The following FAM184A variants were observed in gnomAD, a reference collection of about 807,000 sequenced individuals.
FAM184A encodes family with sequence similarity 184 member A.
Under a neutral mutation model 143.8 loss-of-function variants are expected in FAM184A, and 99 were observed. The observed-to-expected ratio is 0.69, with a 90% confidence interval of 0.58 to 0.81. The LOEUF (loss-of-function observed/expected upper bound fraction) is 0.81, where lower values mean the gene tolerates loss of function less well. Among genes scored for constraint, FAM184A ranks in the 40% least tolerant of loss-of-function variants. The pLI is 0.00. For synonymous variants in FAM184A, 427 were observed against 446.4 expected, an observed-to-expected ratio of 0.96 and a Z score of 0.55; for missense variants, 1,217 against 1,310.5, an observed-to-expected ratio of 0.93 and a Z score of 1.10.
rs1783337447 is a variant in FAM184A, at chr6:118,961,867, T to A, written c.3235A>T (p.Asn1079Tyr). Residue 1079 changes from asparagine to tyrosine, a missense_variant, in exon 17 of 18, where the codon AAC becomes TAC. Coordinates refer to ENST00000338891, the MANE Select transcript of FAM184A (RefSeq NM_024581.6). ...ESGGVGNGHP[N>Y]RLDPIPNSPV... The stretch of plus-strand genomic sequence containing the variant: ...GAATTAGGAATGGGATCCAGGCGGT[T>A]AGGATGTCCATTGCCCACTCCACCA... 2.5e-6 allele frequency: 4 copies of A among 1,613,812 alleles called. No homozygotes were observed. Among genetic ancestry groups the A allele is most frequent in the Non-Finnish European group, 3.4e-6 (4 of 1,179,878 alleles).
At chr6:118,996,791 T>C (rs1040037143) in intron 9 of FAM184A, among the ~76,000 whole-genome samples, 1 of 151,040 alleles carries the variant, frequency 6.6e-6, no homozygotes, top group Non-Finnish European at 1.5e-5. Flanking sequence ...CTCGGCTCAC[T>C]GCAGCCTCTG....
chr6:119,135,512 A>C (rs1335207458), intron 1 of FAM184A, among the ~76,000 whole-genome samples: 1 of 152,246 alleles, frequency 6.6e-6, no homozygotes, highest in Non-Finnish European at 1.5e-5. Flanking sequence ...TATTCCTTCA[A>C]AAAGACATAA....
intron 9 of FAM184A, among the ~76,000 whole-genome samples, chr6:118,984,786 A>G (rs1468710343): frequency 6.6e-6 from 1 of 152,196 alleles, no homozygotes; most frequent in African/African-American, 2.4e-5. Flanking sequence ...TGATTCTCAA[A>G]CCTGGCTGTG....
At chr6:119,002,282 C>G (rs918457955) in intron 9 of FAM184A, among the ~76,000 whole-genome samples, 1 of 152,024 alleles carries the variant, frequency 6.6e-6, no homozygotes, top group Admixed American at 6.6e-5. Context: ...ACTTGCTCTG[C>G]GGAAGAATGT....
At chr6:119,001,945 T>G (rs778851464) in intron 9 of FAM184A, among the ~76,000 whole-genome samples, 15 of 152,176 alleles carry the variant, frequency 9.9e-5, no homozygotes, top group Non-Finnish European at 2.1e-4. Context: ...GTTCTTTTTT[T>G]TGTCTGAGTT....
chr6:119,029,638 T>G (rs981697287), intron 1 of FAM184A, among the ~76,000 whole-genome samples: 5 of 151,984 alleles, frequency 3.3e-5, no homozygotes, highest in Non-Finnish European at 1.5e-5. Context: ...AAGGTGAAAT[T>G]TAAAAAGAAA....
intron 1 of FAM184A, among the ~76,000 whole-genome samples, chr6:119,043,144 C>T (rs1423525508): frequency 6.6e-6 from 1 of 152,094 alleles, no homozygotes; most frequent in East Asian, 1.9e-4. Context: ...CAATGTTCTA[C>T]CTAATGACTA....
At chr6:119,132,421 G>C (rs1271053642) in intron 1 of FAM184A, among the ~76,000 whole-genome samples, 1 of 152,206 alleles carries the variant, frequency 6.6e-6, no homozygotes, top group African/African-American at 2.4e-5. Context: ...GCTCTTGTTT[G>C]AGGTTCTGAT....
intron 1 of FAM184A, among the ~76,000 whole-genome samples, chr6:119,060,447 A>C (rs1787187262): frequency 6.6e-6 from 1 of 152,280 alleles, no homozygotes; most frequent in South Asian, 2.1e-4. Flanking sequence ...ATAAAGAATG[A>C]AATGAAAACA....
intron 5 of FAM184A, among the ~76,000 whole-genome samples, chr6:119,012,087 T>C (rs1785107497): frequency 1.3e-5 from 2 of 152,072 alleles, no homozygotes; most frequent in Admixed American, 1.3e-4. Flanking sequence ...GGGAAACCTT[T>C]AGAGAGAAAG....
At chr6:119,086,712 AC>A (rs780934682) in intron 1 of FAM184A, among the ~76,000 whole-genome samples, 1 of 152,230 alleles carries the variant, frequency 6.6e-6, no homozygotes, top group Non-Finnish European at 1.5e-5. Context: ...TGTCCCGAAG[AC>A]AATCACGAGC....
chr6:119,120,848 C>CTTT (rs374951012), intron 1 of FAM184A, among the ~76,000 whole-genome samples: 6 of 98,276 alleles, frequency 6.1e-5, no homozygotes, highest in African/African-American at 1.0e-4. Context: ...TTCTTTCTTT[C>CTTT]TTTTTTTTTT....
At chr6:119,008,843 T>C (rs1785005719) in intron 6 of FAM184A, among the ~76,000 whole-genome samples, 1 of 152,232 alleles carries the variant, frequency 6.6e-6, no homozygotes, top group Non-Finnish European at 1.5e-5. Context: ...TTTATACTTA[T>C]CATCTTTCAA....
At chr6:119,011,549 TA>T in intron 5 of FAM184A, 118 bp from the exon 6 acceptor site, 1 of 630,156 alleles carries the variant, frequency 1.6e-6, no homozygotes. Flanking sequence ...AAATTAGCCT[TA>T]CCCTTAATTA....
At chr6:119,087,475 A>T (rs531389783) in intron 1 of FAM184A, among the ~76,000 whole-genome samples, 2 of 152,238 alleles carry the variant, frequency 1.3e-5, no homozygotes, top group Non-Finnish European at 2.9e-5. Flanking sequence ...TGGCTAATAA[A>T]CACATAAAAA....
intron 1 of FAM184A, among the ~76,000 whole-genome samples, chr6:119,063,268 T>A (rs1341329329): frequency 6.6e-6 from 1 of 152,256 alleles, no homozygotes; most frequent in Non-Finnish European, 1.5e-5. Flanking sequence ...AAATTTGTGT[T>A]GTTTAACATT....
At position 119,103,808 on chromosome 6, in the gene FAM184A, TC is replaced by T. The variant is rs921371313; in HGVS notation, c.-202+45269del. Among the ~76,000 whole-genome samples the T allele has an allele frequency of 1.5e-4, 22 of 151,374 alleles. 1 individual carries two copies. Among genetic ancestry groups the T allele is most frequent in the African/African-American group, 3.9e-4 (16 of 41,244 alleles). On this transcript the variant is annotated intron_variant, in intron 1 of 16. Transcript: ENST00000352896. ...CAGGCATGGTGGCACGCACCTGTAGTCCCAGCTACTTGGGAGGCTGAGGCAG... is the reference window on the plus strand; with the variant it reads ...CAGGCATGGTGGCACGCACCTGTAGTCCAGCTACTTGGGAGGCTGAGGCAG...
At chr6:118,960,293 T>C in intron 17 of FAM184A, 109 bp from the exon 18 acceptor site, 1 of 822,012 alleles carries the variant, frequency 1.2e-6, no homozygotes, top group Non-Finnish European at 1.9e-6. Context: ...GTTCCCCATG[T>C]TGTAAGTCGT....
rs56775370 is a variant in FAM184A at position 119,042,752 on chromosome 6, T to C, written c.160-17939A>G. Among the ~76,000 whole-genome samples, 485 of 152,214 alleles carry C rather than the reference T, an allele frequency of 3.2e-3. 2 individuals are homozygous for C. The highest frequency in any genetic ancestry group is 0.011 in the African/African-American group (453 of 41,532). ...GGACTTTAGGTAATAATGATGGACTTTGGGTGATAATGATGTGTCAATGTA... is the reference window on the plus strand; with the variant it reads ...GGACTTTAGGTAATAATGATGGACTCTGGGTGATAATGATGTGTCAATGTA... On this transcript the variant is annotated intron_variant, in intron 1 of 17. Transcript: ENST00000338891.
Sources: gnomAD v4.1 joint callset for allele counts (sites outside exome capture counted in the v4.1 genomes callset) on GRCh38, gnomAD v4.1.1 for gene constraint, MANE v1.5 for transcripts, NCBI Gene and HGNC (gene_info 2026-07-23, HGNC 2026-07-21) for gene names.